Variants in NELL1 observed in about 807,000 individuals in gnomAD.
The protein encoded by NELL1 is neural EGFL like 1, also known as protein kinase C-binding protein NELL1.
In NELL1, 76 loss-of-function variants were observed where a neutral mutation model predicts 107.4. The observed-to-expected ratio is 0.71, with a 90% CI of 0.59 to 0.86. The LOEUF (loss-of-function observed/expected upper bound fraction) is 0.86. Among genes scored for constraint, NELL1 ranks in the 40% least tolerant of loss-of-function variants. The pLI is 0.00. For missense variants in NELL1, 1,024 were observed against 1,005.5 expected, an observed-to-expected ratio of 1.02 and a Z score of -0.25; for synonymous variants, 353 against 341.2, an observed-to-expected ratio of 1.03 and a Z score of -0.38.
At chr11:21,547,813 C>T (rs1360931357) in intron 16 of NELL1, among the ~76,000 whole-genome samples, 2 of 151,814 alleles carry the variant, frequency 1.3e-5, no homozygotes, top group African/African-American at 2.4e-5. Context: ...GGTATGACTT[C>T]CTGCTTTATA....
At chr11:20,792,988 T>A (rs1211624126) in intron 3 of NELL1, among the ~76,000 whole-genome samples, 2 of 151,990 alleles carry the variant, frequency 1.3e-5, no homozygotes, top group African/African-American at 2.4e-5. Context: ...TTTCTACAAG[T>A]GTTTCTGATA....
chr11:21,414,421 T>G (rs1852453767), intron 15 of NELL1, among the ~76,000 whole-genome samples: 2 of 152,098 alleles, frequency 1.3e-5, no homozygotes, highest in Non-Finnish European at 2.9e-5. Flanking sequence ...ATATACATTA[T>G]GAACATTTTG....
chr11:20,757,954 T>G (rs1024018147), intron 2 of NELL1, among the ~76,000 whole-genome samples: 2 of 152,172 alleles, frequency 1.3e-5, no homozygotes, highest in Admixed American at 1.3e-4. Context: ...TTCAGCATGG[T>G]CAGGTTCTGG....
At chr11:21,124,563 G>A (rs1370805643) in intron 13 of NELL1, among the ~76,000 whole-genome samples, 1 of 150,212 alleles carries the variant, frequency 6.7e-6, no homozygotes, top group Non-Finnish European at 1.5e-5. Context: ...CAAGGTGCCT[G>A]CAGATTAGGT....
chr11:21,228,858 G>T (rs1857967604), intron 13 of NELL1, among the ~76,000 whole-genome samples: 1 of 150,102 alleles, frequency 6.7e-6, no homozygotes, highest in Non-Finnish European at 1.5e-5. Context: ...TTGTTGTTTT[G>T]AGCTCTTCTG....
At chr11:21,043,725 T>C (rs1039803292) in intron 12 of NELL1, among the ~76,000 whole-genome samples, 20 of 152,202 alleles carry the variant, frequency 1.3e-4, no homozygotes, top group African/African-American at 4.3e-4. Context: ...GCTGTGAAGA[T>C]AAAGGAAAGT....
At position 20,897,452 on chromosome 11, in the gene NELL1, T is replaced by C. The variant is rs1158138596; in HGVS notation, c.603+11912T>C. Among the ~76,000 whole-genome samples the C allele has an allele frequency of 3.9e-5, 6 of 152,120 alleles. No individual in the cohort carries two copies. In the South Asian group the frequency reaches 1.2e-3, roughly 31 times the overall value. On this transcript the variant is annotated intron_variant, in intron 5 of 19. Coordinates refer to ENST00000357134, the MANE Select transcript of NELL1 (RefSeq NM_006157.5). ...TATTTAAATGTTAGACCTAAAACCA[T>C]AAAAACCCTAGAAGAAAACCTAGGC...
At chr11:21,171,757 CA>C in intron 13 of NELL1, among the ~76,000 whole-genome samples, 1 of 151,864 alleles carries the variant, frequency 6.6e-6, no homozygotes, top group Admixed American at 6.5e-5. Context: ...ATATTAAATT[CA>C]ATACTACAGT....
chr11:20,713,427 A>G (rs1374878597), intron 2 of NELL1, among the ~76,000 whole-genome samples: 6 of 152,028 alleles, frequency 3.9e-5, no homozygotes, highest in Non-Finnish European at 7.4e-5. Context: ...CTTCTGTGTC[A>G]TATAGTTCAC....
chr11:21,062,592 T>G (rs981291635), intron 12 of NELL1, among the ~76,000 whole-genome samples: 1 of 152,308 alleles, frequency 6.6e-6, no homozygotes, highest in East Asian at 1.9e-4. Flanking sequence ...CCAACATCAA[T>G]TGGTATACTG....
At chr11:21,272,699 A>G (rs1484730368) in intron 14 of NELL1, among the ~76,000 whole-genome samples, 1 of 152,200 alleles carries the variant, frequency 6.6e-6, no homozygotes, top group Non-Finnish European at 1.5e-5. Flanking sequence ...CTCCTCTCAC[A>G]CAAAACTTCC....
At chr11:20,766,807 A>G (rs1006834735) in intron 2 of NELL1, among the ~76,000 whole-genome samples, 1 of 151,612 alleles carries the variant, frequency 6.6e-6, no homozygotes, top group Non-Finnish European at 1.5e-5. Context: ...CAGTGGCACA[A>G]TCTTGGCTTA....
At chr11:21,209,625 T>C (rs1224055726) in intron 13 of NELL1, among the ~76,000 whole-genome samples, 1 of 152,090 alleles carries the variant, frequency 6.6e-6, no homozygotes, top group Non-Finnish European at 1.5e-5. Flanking sequence ...GTATAAGTTT[T>C]ACCCCATTAA....
intron 7 of NELL1, among the ~76,000 whole-genome samples, chr11:20,926,720 T>G (rs2134171049): frequency 6.6e-6 from 1 of 152,308 alleles, no homozygotes; most frequent in East Asian, 1.9e-4. Context: ...TACCTGGGGT[T>G]TTGGTTACTT....
intron 4 of NELL1, among the ~76,000 whole-genome samples, chr11:20,884,022 C>A (rs1275425413): frequency 6.6e-6 from 1 of 152,006 alleles, no homozygotes; most frequent in Non-Finnish European, 1.5e-5. Context: ...TTATTTTTTC[C>A]TGATTATGTT....
intron 12 of NELL1, among the ~76,000 whole-genome samples, chr11:21,108,297 T>A (rs936602014): frequency 6.6e-5 from 10 of 152,188 alleles, no homozygotes; most frequent in African/African-American, 2.4e-4. Flanking sequence ...GATGCCAAAT[T>A]TGAGTCTGTG....
At chr11:21,453,287 CTT>C (rs1853633964) in intron 15 of NELL1, among the ~76,000 whole-genome samples, 1 of 151,992 alleles carries the variant, frequency 6.6e-6, no homozygotes. Flanking sequence ...TACTTTGAAT[CTT>C]TGTTATGTAC....
chr11:20,800,365 T>C (rs1253466815), intron 3 of NELL1, among the ~76,000 whole-genome samples: 1 of 152,204 alleles, frequency 6.6e-6, no homozygotes, highest in Non-Finnish European at 1.5e-5. Context: ...CTGTTATTTT[T>C]GACATTTAAA....
intron 17 of NELL1, among the ~76,000 whole-genome samples, chr11:21,570,187 C>G (rs1023599413): frequency 1.3e-5 from 2 of 151,786 alleles, no homozygotes. Context: ...TAGTACACAA[C>G]TTTAAGGCGA....
Sources: allele counts gnomAD v4.1 joint callset (sites outside exome capture counted in the v4.1 genomes callset), GRCh38; gene constraint gnomAD v4.1.1; transcripts MANE v1.5; gene names NCBI Gene and HGNC (gene_info 2026-07-23, HGNC 2026-07-21).